CSMD2: variants seen among roughly 807,000 people sequenced by gnomAD.
CSMD2 encodes the protein CUB and sushi domain-containing protein 2.
Under a neutral mutation model 398.5 loss-of-function variants are expected in CSMD2, and 130 were observed. That is an observed-to-expected ratio of 0.33 (90% CI 0.28 to 0.38). The LOEUF is 0.38. CSMD2 is among the 10% of genes least tolerant of loss of function. The probability of loss-of-function intolerance (pLI) is 1.00; values close to 1 mark genes in which losing one functional copy is unlikely to be tolerated. For synonymous variants in CSMD2, 1,828 were observed against 1,908.5 expected (o/e 0.96, Z 1.10); for missense variants, 3,829 against 4,764.9 (o/e 0.80, Z 5.78).
chr1:33,817,796 T>G (rs1657642614), intron 9 of CSMD2, among the ~76,000 whole-genome samples: 1 of 152,236 alleles, frequency 6.6e-6, no homozygotes, highest in Non-Finnish European at 1.5e-5. Context: ...GTGAAGAAAC[T>G]GGCCCAAGGG....
At position 33,714,676 on chromosome 1, in the gene CSMD2, A is replaced by T; in HGVS notation, c.3317T>A (p.Phe1106Tyr). ...GVGDTLTFSC[F>Y]PGYRLEGTAR... The stretch of plus-strand genomic sequence containing the variant: ...GGTGCCCTCCAGACGGTACCCGGGG[A>T]AGCAGGAGAAGGTCAAGGTGTCGCC... The change falls in exon 21 of 71, where the codon TTC (phenylalanine) becomes TAC (tyrosine). Residue 1106 changes from phenylalanine (F) to tyrosine (Y), a missense_variant. Phe to Tyr is a conservative substitution (Grantham distance 22). Around this residue, in one of 5 missense-constraint regions of CSMD2, gnomAD observed 2,001 missense variants for 2,567.1 expected, o/e 0.78. Transcript: ENST00000373381. 1 of 1,613,984 alleles carries T rather than the reference A, an allele frequency of 6.2e-7. No homozygotes were observed.
chr1:33,730,176 T>A (rs1646674999), intron 15 of CSMD2, among the ~76,000 whole-genome samples: 1 of 152,224 alleles, frequency 6.6e-6, no homozygotes, highest in Non-Finnish European at 1.5e-5. Flanking sequence ...GTTCCCAGAC[T>A]ATGTTGTTAA....
chr1:33,947,713 G>A (rs1301070427), intron 3 of CSMD2, among the ~76,000 whole-genome samples: 3 of 152,328 alleles, frequency 2.0e-5, no homozygotes, highest in Admixed American at 6.5e-5. Flanking sequence ...GGGATTCAAC[G>A]TGTGGTGCAC....
intron 3 of CSMD2, among the ~76,000 whole-genome samples, chr1:34,013,148 G>A (rs1404107768): frequency 6.6e-6 from 1 of 152,180 alleles, no homozygotes; most frequent in Non-Finnish European, 1.5e-5. Context: ...CTTCCGGGGA[G>A]GGCTGCTTTG....
intron 5 of CSMD2, among the ~76,000 whole-genome samples, chr1:33,889,360 C>G (rs1429727099): frequency 2.6e-5 from 4 of 151,906 alleles, no homozygotes; most frequent in Non-Finnish European, 5.9e-5. Context: ...TGTTTTTCAC[C>G]CACTGAGATG....
intron 39 of CSMD2, 106 bp from the exon 40 acceptor site, chr1:33,614,726 G>T: frequency 1.5e-6 from 1 of 649,480 alleles, no homozygotes; most frequent in Non-Finnish European, 2.8e-6. Context: ...AAGCTTTCAT[G>T]AGTCATATAG....
intron 10 of CSMD2, among the ~76,000 whole-genome samples, chr1:33,800,040 C>CT (rs2124916518): frequency 6.6e-6 from 1 of 152,360 alleles, no homozygotes; most frequent in Non-Finnish European, 1.5e-5. Context: ...CTGCCACTTC[C>CT]TGGCTAGGTA....
intron 1 of CSMD2, among the ~76,000 whole-genome samples, chr1:34,096,607 TA>T (rs1300523108): frequency 2.3e-5 from 3 of 131,758 alleles, no homozygotes; most frequent in African/African-American, 5.9e-5. Context: ...AGCATTCCTA[TA>T]CACCAACAAC....
chr1:33,640,799 G>T (rs1643061909), intron 29 of CSMD2, among the ~76,000 whole-genome samples: 1 of 152,132 alleles, frequency 6.6e-6, no homozygotes, highest in Non-Finnish European at 1.5e-5. Flanking sequence ...TTAAAAGGAG[G>T]CAGAATATAA....
At chr1:33,607,801 A>C (rs1640721178) in intron 41 of CSMD2, among the ~76,000 whole-genome samples, 1 of 152,218 alleles carries the variant, frequency 6.6e-6, no homozygotes, top group South Asian at 2.1e-4. Flanking sequence ...CATCCAGGCA[A>C]GTCCTGAAGG....
chr1:33,942,639 T>C (rs1446059677), intron 3 of CSMD2, among the ~76,000 whole-genome samples: 1 of 152,256 alleles, frequency 6.6e-6, no homozygotes, highest in Non-Finnish European at 1.5e-5. Flanking sequence ...GCTTAGACCC[T>C]GTCCCTAAAC....
chr1:34,097,953 C>T (rs1320712944), intron 1 of CSMD2, among the ~76,000 whole-genome samples: 2 of 134,220 alleles, frequency 1.5e-5, no homozygotes, highest in Admixed American at 8.0e-5. Context: ...GCTATAAAGA[C>T]GCATGCACAC....
chr1:34,008,194 C>G (rs987846711), intron 3 of CSMD2, among the ~76,000 whole-genome samples: 1 of 152,184 alleles, frequency 6.6e-6, no homozygotes, highest in African/African-American at 2.4e-5. Flanking sequence ...CGTTTACCAC[C>G]CATCTCCCCA....
intron 5 of CSMD2, among the ~76,000 whole-genome samples, chr1:33,904,459 C>T (rs995806076): frequency 6.6e-6 from 1 of 152,144 alleles, no homozygotes; most frequent in African/African-American, 2.4e-5. Flanking sequence ...AATGACGGCC[C>T]ATCTCCTTGT....
intron 9 of CSMD2, among the ~76,000 whole-genome samples, chr1:33,816,096 T>A (rs1310599637): frequency 6.6e-6 from 1 of 152,134 alleles, no homozygotes; most frequent in African/African-American, 2.4e-5. Context: ...AGATCCATAG[T>A]GTTTCAGTGA....
At chr1:33,774,286 C>A (rs1216072996) in intron 12 of CSMD2, among the ~76,000 whole-genome samples, 1 of 152,136 alleles carries the variant, frequency 6.6e-6, no homozygotes, top group Non-Finnish European at 1.5e-5. Context: ...CCTGGCCTCA[C>A]CCTCTACAAG....
intron 4 of CSMD2, among the ~76,000 whole-genome samples, chr1:33,931,078 G>T (rs1387923703): frequency 6.6e-6 from 1 of 152,248 alleles, no homozygotes; most frequent in African/African-American, 2.4e-5. Flanking sequence ...GGTAACCCAG[G>T]CTAGTAATTT....
intron 3 of CSMD2, among the ~76,000 whole-genome samples, chr1:33,955,092 C>CCCGAGTAGAACGGGCTGCTGGGCCA (rs1645123214): frequency 6.6e-6 from 1 of 152,184 alleles, no homozygotes; most frequent in African/African-American, 2.4e-5. Flanking sequence ...AGAGGACGAT[C>CCCGAGTAGAACGGGCTGCTGGGCCA]CCGAGTAGAA....
intron 3 of CSMD2, among the ~76,000 whole-genome samples, chr1:34,032,283 G>A (rs1363155500): frequency 2.0e-5 from 3 of 152,008 alleles, no homozygotes; most frequent in South Asian, 2.1e-4. Context: ...ATACAATGAA[G>A]CCCAATATAA....
Sources: allele counts gnomAD v4.1 joint callset (sites outside exome capture counted in the v4.1 genomes callset), GRCh38; gene constraint gnomAD v4.1.1; regional missense constraint gnomAD v4.1.1; transcripts MANE v1.5; gene names NCBI Gene and HGNC (gene_info 2026-07-23, HGNC 2026-07-21).